PREX2: variants seen among roughly 807,000 people sequenced by gnomAD.
PREX2 encodes phosphatidylinositol 3,4,5-trisphosphate-dependent Rac exchanger 2 protein.
PREX2 carries 107 observed loss-of-function variants against 203.2 expected under a neutral mutation model. The ratio of observed to expected loss-of-function variants is 0.53; its 90% CI spans 0.45 to 0.62. The LOEUF is 0.62. Ranked by LOEUF, PREX2 falls within the 20% of genes least tolerant of loss-of-function variation. PREX2 has a pLI of 0.00. For synonymous variants in PREX2, 672 were observed against 663.6 expected, an observed-to-expected ratio of 1.01 and a Z score of -0.19; for missense variants, 1,777 against 1,955.9, an observed-to-expected ratio of 0.91 and a Z score of 1.72.
intron 8 of PREX2, among the ~76,000 whole-genome samples, chr8:68,047,348 T>C (rs1808382444): frequency 6.6e-6 from 1 of 151,432 alleles, no homozygotes; most frequent in Non-Finnish European, 1.5e-5. Context: ...GTACTCCCCA[T>C]ACTTGGCCCT....
intron 8 of PREX2, among the ~76,000 whole-genome samples, chr8:68,046,975 C>G (rs921519514): frequency 1.3e-5 from 2 of 151,912 alleles, no homozygotes; most frequent in African/African-American, 4.8e-5. Context: ...TTCAGATGAT[C>G]GAAATGAGGC....
rs949813186 is a variant in PREX2 at position 68,233,173 on chromosome 8, T to C, written c.*1795T>C. On this transcript the variant is annotated 3_prime_UTR_variant, in exon 40 of 40. Transcript: ENST00000288368. ...TCAAGAAAAAGTTGAACATTTTGAATTTAATAAAGATATCTTTACAAAAAT... is the reference window on the plus strand; with the variant it reads ...TCAAGAAAAAGTTGAACATTTTGAACTTAATAAAGATATCTTTACAAAAAT... 2 of 152,228 alleles carry C rather than the reference T, an allele frequency of 1.3e-5. No homozygotes were observed. The highest frequency in any genetic ancestry group is 1.3e-4 in the Admixed American group (2 of 15,282). 9.4% of individuals were successfully genotyped at this position (152,228 alleles called of 1,614,324 possible).
intron 25 of PREX2, chr8:68,110,962 A>G: frequency 2.3e-6 from 1 of 428,390 alleles, no homozygotes; most frequent in Non-Finnish European, 4.7e-6. Flanking sequence ...TTGCTAAGAG[A>G]AAAGGAGAGT....
Position 68,134,130 on chromosome 8 carries a change from G to A in PREX2, c.3838G>A (p.Glu1280Lys). 2.5e-6 allele frequency: 4 copies of A among 1,614,102 alleles called. No homozygotes were observed. The highest frequency in any genetic ancestry group is 3.4e-6 in the Non-Finnish European group (4 of 1,180,016). ...TGTGGCCACTGTCTGTGCCTTCTCT[G>A]AGCAGCTCATGGCGGCCTTGAACCA... is the stretch of plus-strand genomic sequence containing the variant. ...TLVATVCAFS[E>K]QLMAALNQMF... The change falls in exon 32 of 40, where the codon GAG (glutamate) becomes AAG (lysine). Residue 1280 changes from glutamate to lysine, a missense_variant. Glu to Lys is a moderately conservative substitution (Grantham distance 56). Transcript: ENST00000288368.
chr8:68,021,702 A>T (rs1035735836), intron 3 of PREX2, among the ~76,000 whole-genome samples: 6 of 152,202 alleles, frequency 3.9e-5, no homozygotes, highest in African/African-American at 1.4e-4. Context: ...AAATAACAGC[A>T]AGAATATGTA....
At chr8:68,101,917 G>A (rs1021414090) in intron 23 of PREX2, among the ~76,000 whole-genome samples, 6 of 152,112 alleles carry the variant, frequency 3.9e-5, no homozygotes, top group African/African-American at 7.2e-5. Context: ...GGTATATTAG[G>A]TAGCAAATTG....
At chr8:68,045,768 A>G (rs1223486829) in intron 8 of PREX2, among the ~76,000 whole-genome samples, 2 of 152,080 alleles carry the variant, frequency 1.3e-5, no homozygotes, top group African/African-American at 4.8e-5. Flanking sequence ...ATCCCTTTCT[A>G]TGCTACAGAC....
At chr8:68,078,711 C>A (rs370051158) in intron 15 of PREX2, among the ~76,000 whole-genome samples, 36 of 152,118 alleles carry the variant, frequency 2.4e-4, no homozygotes, top group African/African-American at 8.4e-4. Context: ...AAACTATGAA[C>A]GGAAGAAATT....
intron 31 of PREX2, among the ~76,000 whole-genome samples, chr8:68,133,357 G>A (rs1811045927): frequency 6.6e-6 from 1 of 152,024 alleles, no homozygotes; most frequent in Non-Finnish European, 1.5e-5. Flanking sequence ...ATATCAGTGG[G>A]TTAACCAAAA....
chr8:68,227,410 G>A lies in PREX2; in HGVS notation c.4775+2784G>A, dbSNP rs138090854. 1.4e-3 allele frequency among the ~76,000 whole-genome samples: 210 copies of A among 152,290 alleles called. 1 individual carries two copies. The highest frequency in any genetic ancestry group is 2.9e-3 in the Admixed American group (45 of 15,292). On this transcript the variant is annotated intron_variant, in intron 39 of 39. Transcript: ENST00000288368. ...CAGTGGGTGCAGAAGGGAAGCACAC[G>A]CACAGGGAGGAGATGGGGAGCTCAG... is the stretch of plus-strand genomic sequence containing the variant.
chr8:68,205,498 C>T (rs902496842), intron 37 of PREX2, among the ~76,000 whole-genome samples: 3 of 152,120 alleles, frequency 2.0e-5, no homozygotes, highest in Admixed American at 6.5e-5. Flanking sequence ...CAGGCTTTTC[C>T]GTATTTATTT....
At chr8:68,186,955 A>G (rs1281775238) in intron 35 of PREX2, among the ~76,000 whole-genome samples, 1 of 152,186 alleles carries the variant, frequency 6.6e-6, no homozygotes, top group Non-Finnish European at 1.5e-5. Context: ...ACTTGTATCA[A>G]GTCAATTTAA....
chr8:67,965,601 AT>A (rs745947838), intron 1 of PREX2, among the ~76,000 whole-genome samples: 2 of 152,062 alleles, frequency 1.3e-5, no homozygotes, highest in Non-Finnish European at 2.9e-5. Context: ...TGTTCTATTG[AT>A]TGCTTAGGTG....
chr8:68,028,900 T>A (rs1276344882), intron 5 of PREX2, among the ~76,000 whole-genome samples: 3 of 152,134 alleles, frequency 2.0e-5, no homozygotes, highest in Non-Finnish European at 2.9e-5. Context: ...CGTGGATTTA[T>A]CCTTTCTTAG....
chr8:68,097,280 A>G (rs1810112410), intron 22 of PREX2, 79 bp downstream of exon 22: 1 of 1,219,160 alleles, frequency 8.2e-7, no homozygotes. Context: ...CACTTAAAAA[A>G]ATAAAAATAG....
At chr8:67,962,155 T>C (rs1805650210) in intron 1 of PREX2, among the ~76,000 whole-genome samples, 1 of 152,236 alleles carries the variant, frequency 6.6e-6, no homozygotes, top group African/African-American at 2.4e-5. Flanking sequence ...TAATTATCTA[T>C]TTAAGTTGCC....
rs1044730937 is a variant in PREX2 at position 68,012,911 on chromosome 8, C to G, written c.142-4935C>G. Among the ~76,000 whole-genome samples, 5 of 152,144 alleles carry G rather than the reference C, an allele frequency of 3.3e-5. No individual in the cohort carries two copies. The South Asian group carries it at 6.2e-4, about 19-fold the overall frequency. On this transcript the variant is annotated intron_variant, in intron 1 of 39. Coordinates refer to ENST00000288368, the MANE Select transcript of PREX2 (RefSeq NM_024870.4). ...GCTCCAAATGTCAATAATGTCAAGA[C>G]TGATAAACCATGTCATATGGTGATA... is the stretch of plus-strand genomic sequence containing the variant.
chr8:68,203,135 A>G (rs992379329), intron 37 of PREX2, among the ~76,000 whole-genome samples: 19 of 152,056 alleles, frequency 1.2e-4, no homozygotes, highest in African/African-American at 4.6e-4. Flanking sequence ...GCCACACTAC[A>G]TGGTTTTCCC....
intron 37 of PREX2, among the ~76,000 whole-genome samples, chr8:68,215,535 AT>A (rs11364601): frequency 0.44 from 66,879 of 150,508 alleles, 16,768 homozygotes; most frequent in African/African-American, 0.68. Context: ...TAGAAAACTG[AT>A]TTTTTTTTTC....
Sources: allele counts gnomAD v4.1 joint callset (sites outside exome capture counted in the v4.1 genomes callset), GRCh38; gene constraint gnomAD v4.1.1; transcripts MANE v1.5; gene names NCBI Gene and HGNC (gene_info 2026-07-23, HGNC 2026-07-21).